Variants in DIAPH2 observed in about 807,000 individuals in gnomAD.
DIAPH2 encodes the protein protein diaphanous homolog 2.
A neutral mutation model predicts 92.7 loss-of-function variants in DIAPH2; 35 were observed. The observed-to-expected ratio is 0.38, with a 90% CI of 0.29 to 0.50. DIAPH2 has a LOEUF of 0.50. DIAPH2 is among the 20% of genes least tolerant of loss of function. The pLI, the probability that DIAPH2 is intolerant of heterozygous loss-of-function variation, is 0.94. For synonymous variants in DIAPH2, 301 were observed against 280.4 expected, an observed-to-expected ratio of 1.07 and a Z score of -0.73; for missense variants, 701 against 819.5, an observed-to-expected ratio of 0.86 and a Z score of 1.77.
intron 14 of DIAPH2, among the ~76,000 whole-genome samples, chrX:96,947,007 G>A (rs778358181): frequency 4.5e-5 from 5 of 111,607 alleles, no homozygotes; most frequent in South Asian, 3.8e-4. Flanking sequence ...GGCAGTAGTT[G>A]TGAGATCTGA....
At chrX:96,810,297 T>A (rs1326018014) in intron 4 of DIAPH2, among the ~76,000 whole-genome samples, 10 of 112,624 alleles carry the variant, frequency 8.9e-5, no homozygotes, top group African/African-American at 3.2e-4. Flanking sequence ...CATGTGTCTG[T>A]TGGCTGCATA....
chrX:97,254,464 C>T (rs1435183713), intron 23 of DIAPH2, among the ~76,000 whole-genome samples: 2 of 98,424 alleles, frequency 2.0e-5, no homozygotes, highest in Non-Finnish European at 4.0e-5. Flanking sequence ...TGCACTCCAG[C>T]CTGGGCAACA....
chrX:97,102,934 C>T (rs150174830), intron 20 of DIAPH2, among the ~76,000 whole-genome samples: 2,995 of 110,528 alleles, frequency 0.027, 101 homozygotes, highest in African/African-American at 0.093. Context: ...AGCAAGACTC[C>T]GCCTCAAAAA....
intron 26 of DIAPH2, among the ~76,000 whole-genome samples, chrX:97,573,007 T>G (rs1414850009): frequency 8.9e-6 from 1 of 112,110 alleles, no homozygotes; most frequent in Non-Finnish European, 1.9e-5. Flanking sequence ...TTCTTCTGTA[T>G]TGTGATTTTT....
At chrX:97,477,027 A>C (rs1331576567) in intron 26 of DIAPH2, among the ~76,000 whole-genome samples, 1 of 96,061 alleles carries the variant, frequency 1.0e-5, no homozygotes, top group African/African-American at 3.9e-5. Flanking sequence ...ACACACACAT[A>C]CACACACACA....
chrX:96,708,714 A>C (rs2063901236), intron 1 of DIAPH2, among the ~76,000 whole-genome samples: 1 of 112,787 alleles, frequency 8.9e-6, no homozygotes, highest in Admixed American at 9.4e-5. Flanking sequence ...TTGGTGAAAT[A>C]TCTGTCAAGT....
At chrX:97,257,371 G>A (rs929563514) in intron 23 of DIAPH2, among the ~76,000 whole-genome samples, 1 of 111,593 alleles carries the variant, frequency 9.0e-6, no homozygotes, top group Non-Finnish European at 1.9e-5. Context: ...AGGAGAATAG[G>A]ACCTAGTCAC....
At chrX:96,786,974 A>G (rs1165457133) in intron 4 of DIAPH2, among the ~76,000 whole-genome samples, 1 of 111,788 alleles carries the variant, frequency 8.9e-6, no homozygotes, top group African/African-American at 3.3e-5. Context: ...TTATATGCAA[A>G]TATTTCTTTT....
rs1437948934 is a variant in DIAPH2 at position 96,979,140 on chromosome X, A to G, written c.2050+13933A>G. 1.8e-5 allele frequency among the ~76,000 whole-genome samples: 2 copies of G among 112,183 alleles called. 1 individual carries two copies. Among genetic ancestry groups the G allele is most frequent in the Admixed American group, 1.9e-4 (2 of 10,586 alleles). On this transcript the variant is annotated intron_variant, in intron 17 of 26. Transcript: ENST00000324765. ...ATGTAACTAGGTTCAACCCTTACAC[A>G]CTGATAGGGGAATTACTCAAGGGCA...
intron 24 of DIAPH2, among the ~76,000 whole-genome samples, chrX:97,352,870 CAAAAAAAAAA>C (rs1176922373): frequency 3.3e-4 from 9 of 27,094 alleles, no homozygotes; most frequent in Non-Finnish European, 4.2e-4. Context: ...AATCTGTCTC[CAAAAAAAAAA>C]AAAAAAAAAA....
intron 26 of DIAPH2, among the ~76,000 whole-genome samples, chrX:97,514,006 A>G: frequency 9.3e-6 from 1 of 107,132 alleles, no homozygotes; most frequent in Non-Finnish European, 1.9e-5. Flanking sequence ...GCTCTTCTCT[A>G]GGAGAATCTT....
rs199694673 is a variant in DIAPH2 at position 97,507,170 on chromosome X, C to A, written c.3241+77425C>A. Among the ~76,000 whole-genome samples the A allele has an allele frequency of 3.6e-5, 3 of 82,369 alleles. No individual in the cohort carries two copies. In the East Asian group the frequency reaches 1.0e-3, roughly 28 times the overall value. 71.5% of individuals were successfully genotyped at this position (82,369 alleles called of 115,157 possible). A position where few individuals can be genotyped will look rare whatever the true frequency, so the allele number is the denominator to read the frequency against. ...AAAAAAAAAAAAAAAAAAAAAATCC[C>A]TACCTTCAGAGAGCATAAATTCTAT... On this transcript the variant is annotated intron_variant, in intron 26 of 26. Coordinates refer to ENST00000324765, the MANE Select transcript of DIAPH2 (RefSeq NM_006729.5).
chrX:96,822,327 T>C (rs2064783906), intron 4 of DIAPH2, among the ~76,000 whole-genome samples: 1 of 111,824 alleles, frequency 8.9e-6, no homozygotes, highest in African/African-American at 3.2e-5. Context: ...TATTCCTTTC[T>C]TCCTTCCCTT....
intron 23 of DIAPH2, among the ~76,000 whole-genome samples, chrX:97,326,600 C>T (rs2068953152): frequency 8.9e-6 from 1 of 112,119 alleles, no homozygotes; most frequent in Admixed American, 9.6e-5. Flanking sequence ...TGCACCAAAC[C>T]TAGTTTCAGA....
At chrX:96,806,363 A>C (rs1028122824) in intron 4 of DIAPH2, among the ~76,000 whole-genome samples, 2 of 111,181 alleles carry the variant, frequency 1.8e-5, no homozygotes, top group African/African-American at 6.5e-5. Flanking sequence ...ATTATATTTC[A>C]TAGTCGGGTG....
chrX:97,251,938 C>T (rs903968474), intron 23 of DIAPH2, among the ~76,000 whole-genome samples: 6 of 111,439 alleles, frequency 5.4e-5, no homozygotes, highest in Admixed American at 9.6e-5. Context: ...GCCAAGGTAG[C>T]GTACTTCCAG....
At chrX:96,685,273 G>T (rs952487678) in intron 1 of DIAPH2, 83 bp downstream of exon 1, 2 of 939,029 alleles carry the variant, frequency 2.1e-6, no homozygotes, top group East Asian at 8.1e-5. Flanking sequence ...GGGGCACCCG[G>T]GGCCCCCTCC....
chrX:97,088,163 CAG>C (rs2066796699), intron 19 of DIAPH2, among the ~76,000 whole-genome samples: 1 of 112,116 alleles, frequency 8.9e-6, no homozygotes, highest in African/African-American at 3.2e-5. Flanking sequence ...GAGAGTTTCT[CAG>C]AGTCTTGATT....
At chrX:97,099,842 A>G in intron 20 of DIAPH2, 47 bp downstream of exon 20, 2 of 712,794 alleles carry the variant, frequency 2.8e-6, no homozygotes. Flanking sequence ...GGAGGTTAAC[A>G]CTTGCCAGAA....
Sources: allele counts gnomAD v4.1 joint callset (sites outside exome capture counted in the v4.1 genomes callset), GRCh38; gene constraint gnomAD v4.1.1; transcripts MANE v1.5; gene names NCBI Gene and HGNC (gene_info 2026-07-23, HGNC 2026-07-21).